The following ERC1 variants were observed in gnomAD, a reference collection of about 807,000 sequenced individuals.
ERC1 encodes the protein RAB6 interacting protein 2.
Under a neutral mutation model 132.0 loss-of-function variants are expected in ERC1, and 56 were observed. That is an observed-to-expected ratio of 0.42 (90% CI 0.34 to 0.53). The LOEUF (loss-of-function observed/expected upper bound fraction) is 0.53, where lower values mean the gene tolerates loss of function less well. Ranked by LOEUF, ERC1 falls within the 20% of genes least tolerant of loss-of-function variation. The pLI is 0.03. For synonymous variants in ERC1, 478 were observed against 476.1 expected, an observed-to-expected ratio of 1.00 and a Z score of -0.05; for missense variants, 1,202 against 1,349.9, an observed-to-expected ratio of 0.89 and a Z score of 1.72.
At chr12:1,033,375 T>A (rs1305562350) in intron 2 of ERC1, among the ~76,000 whole-genome samples, 2 of 152,028 alleles carry the variant, frequency 1.3e-5, no homozygotes, top group Non-Finnish European at 2.9e-5. Flanking sequence ...TTCACCACAT[T>A]GACCAGACTG....
chr12:1,493,824 TGA>T lies in ERC1; in HGVS notation c.*3599_*3600del. On this transcript the variant is annotated 3_prime_UTR_variant, in exon 19 of 19. Transcript: ENST00000360905. Reference sequence around the variant, plus strand: ...CTTGCGGGCTCACCCACCCCCAGAGTGAGAGAAGAGGAAGGCGAAGTCATCAC... The same window carrying T: ...CTTGCGGGCTCACCCACCCCCAGAGTGAGAAGAGGAAGGCGAAGTCATCAC... 4.5e-6 allele frequency: 1 copy of T among 223,562 alleles called. No individual in the cohort carries two copies. Among genetic ancestry groups the T allele is most frequent in the African/African-American group, 2.3e-5 (1 of 44,232 alleles). 13.8% of individuals were successfully genotyped at this position (223,562 alleles called of 1,614,324 possible).
At position 1,339,413 on chromosome 12, in the gene ERC1, C is replaced by T. The variant is rs547975025; in HGVS notation, c.2781-32420C>T. 4.4e-3 allele frequency among the ~76,000 whole-genome samples: 596 copies of T among 136,736 alleles called. 26 individuals are homozygous for T. The highest frequency in any genetic ancestry group is 0.016 in the African/African-American group (539 of 33,208). The allele number at this position is 136,736 out of a possible 152,430, so 89.7% of individuals were successfully genotyped here. A position where few individuals can be genotyped will look rare whatever the true frequency, so the allele number is the denominator to read the frequency against. On this transcript the variant is annotated intron_variant, in intron 15 of 18. Coordinates refer to ENST00000360905, the MANE Select transcript of ERC1 (RefSeq NM_178040.4). ...AGGCAGCTCAGCTGGACAACTGTGA[C>T]GGGGTGCTAGCAGGTGCCAGGGTGC...
intron 13 of ERC1, among the ~76,000 whole-genome samples, chr12:1,252,033 C>A (rs932586260): frequency 1.3e-5 from 2 of 151,802 alleles, no homozygotes; most frequent in African/African-American, 4.8e-5. Context: ...TACATATTTA[C>A]GAGGTACACA....
At chr12:1,376,405 A>G (rs1031814398) in intron 16 of ERC1, among the ~76,000 whole-genome samples, 10 of 123,238 alleles carry the variant, frequency 8.1e-5, no homozygotes, top group Non-Finnish European at 1.3e-4. Flanking sequence ...GTGATTTTCC[A>G]CATGTTACCT....
chr12:1,441,791 C>G lies in ERC1; in HGVS notation c.3025-2771C>G, dbSNP rs141840988. Reference sequence around the variant, plus strand: ...GAAATAGGGATATGTTACTTGGCATCATGGGGGTGTAGTAACAGAACCGTG... The same window carrying G: ...GAAATAGGGATATGTTACTTGGCATGATGGGGGTGTAGTAACAGAACCGTG... On this transcript the variant is annotated intron_variant, in intron 17 of 18. Transcript: ENST00000360905. Among the ~76,000 whole-genome samples, 339 of 152,288 alleles carry G rather than the reference C, an allele frequency of 2.2e-3. 2 individuals are homozygous for G. Among genetic ancestry groups the G allele is most frequent in the African/African-American group, 7.8e-3 (326 of 41,568 alleles).
intron 17 of ERC1, among the ~76,000 whole-genome samples, chr12:1,442,757 A>G (rs2093192510): frequency 6.6e-6 from 1 of 152,208 alleles, no homozygotes; most frequent in Admixed American, 6.5e-5. Context: ...GGTCATATAT[A>G]ATGTAGTGAA....
intron 2 of ERC1, among the ~76,000 whole-genome samples, chr12:1,030,601 G>A (rs760977980): frequency 2.6e-5 from 4 of 152,100 alleles, no homozygotes. Context: ...TGTGATGGAC[G>A]CCTGTACTAC....
At chr12:1,262,261 T>C in intron 13 of ERC1, among the ~76,000 whole-genome samples, 1 of 152,234 alleles carries the variant, frequency 6.6e-6, no homozygotes, top group South Asian at 2.1e-4. Context: ...GAACTCTTCT[T>C]CATGTTGTCT....
At chr12:1,271,584 A>G (rs576174434) in intron 14 of ERC1, among the ~76,000 whole-genome samples, 6 of 152,330 alleles carry the variant, frequency 3.9e-5, no homozygotes, top group African/African-American at 9.6e-5. Context: ...AGTTCTCGAT[A>G]TGTTGTTCAG....
At position 1,152,183 on chromosome 12, in the gene ERC1, A is replaced by C. The variant is rs1300515329; in HGVS notation, c.1737+10396A>C. Reference sequence around the variant, plus strand: ...CCATTGCATTCTAGCCTGGGAGACAAGAGTGAGACTTGGTATCAAAAAGAA... The same window carrying C: ...CCATTGCATTCTAGCCTGGGAGACACGAGTGAGACTTGGTATCAAAAAGAA... On this transcript the variant is annotated intron_variant, in intron 8 of 18. Transcript: ENST00000360905. The C allele has an allele frequency of 8.0e-5, 12 of 150,936 alleles. No individual in the cohort carries two copies. The Admixed American group carries it at 8.0e-4, about 10-fold the overall frequency. 9.3% of individuals were successfully genotyped at this position (150,936 alleles called of 1,614,324 possible).
chr12:1,149,425 G>T (rs190386177), intron 8 of ERC1, among the ~76,000 whole-genome samples: 2 of 152,204 alleles, frequency 1.3e-5, no homozygotes, highest in East Asian at 1.9e-4. Context: ...TTGAGACAGG[G>T]TCTCACTGTG....
chr12:1,060,375 G>A (rs1192434076), intron 2 of ERC1, among the ~76,000 whole-genome samples: 1 of 148,898 alleles, frequency 6.7e-6, no homozygotes, highest in Non-Finnish European at 1.5e-5. Context: ...CCCTTCCTGT[G>A]TCCATGTGTT....
rs114464681 is a variant in ERC1 at position 1,268,141 on chromosome 12, G to C, written c.2619+4976G>C. ...AAACTGGTAGAGGGGTATGTCTGTA[G>C]AAGATAATGTACACTAATAGAACTA... On this transcript the variant is annotated intron_variant, in intron 14 of 18. Transcript: ENST00000360905. Among the ~76,000 whole-genome samples, 784 of 152,304 alleles carry C rather than the reference G, an allele frequency of 5.1e-3. 9 individuals are homozygous for C. Among genetic ancestry groups the C allele is most frequent in the African/African-American group, 0.018 (740 of 41,572 alleles).
intron 16 of ERC1, among the ~76,000 whole-genome samples, chr12:1,394,101 T>A (rs1478568833): frequency 6.7e-6 from 1 of 150,338 alleles, no homozygotes; most frequent in Admixed American, 6.6e-5. Flanking sequence ...TGATCATACT[T>A]TAAAAAAAAA....
chr12:1,325,147 C>T (rs1446700548), intron 15 of ERC1, among the ~76,000 whole-genome samples: 1 of 152,050 alleles, frequency 6.6e-6, no homozygotes, highest in Non-Finnish European at 1.5e-5. Context: ...TTCCCTTTTT[C>T]GGTTTTAGGC....
At chr12:1,334,773 A>G (rs1162676336) in intron 15 of ERC1, among the ~76,000 whole-genome samples, 1 of 152,126 alleles carries the variant, frequency 6.6e-6, no homozygotes, top group African/African-American at 2.4e-5. Flanking sequence ...GAAGAATGTC[A>G]TTGGTAGTTT....
At chr12:1,182,443 A>G (rs1954587366) in intron 10 of ERC1, among the ~76,000 whole-genome samples, 1 of 152,252 alleles carries the variant, frequency 6.6e-6, no homozygotes, top group African/African-American at 2.4e-5. Context: ...AGAACACAAC[A>G]GCTATTAAAT....
chr12:1,381,730 T>TG (rs2088692780), intron 16 of ERC1, among the ~76,000 whole-genome samples: 1 of 152,212 alleles, frequency 6.6e-6, no homozygotes, highest in Admixed American at 6.5e-5. Flanking sequence ...CTTCTGGAAT[T>TG]GCCTTGCACT....
intron 17 of ERC1, among the ~76,000 whole-genome samples, chr12:1,423,894 G>A (rs1041090160): frequency 6.6e-6 from 1 of 152,012 alleles, no homozygotes; most frequent in Admixed American, 6.6e-5. Context: ...ATCAGCAAGG[G>A]GCACTACAAA....
Sources: gnomAD v4.1 joint callset for allele counts (sites outside exome capture counted in the v4.1 genomes callset) on GRCh38, gnomAD v4.1.1 for gene constraint, MANE v1.5 for transcripts, NCBI Gene and HGNC (gene_info 2026-07-23, HGNC 2026-07-21) for gene names.